Variants in PCDH15 observed in about 807,000 individuals in gnomAD.
PCDH15 encodes the protein protocadherin related 15.
PCDH15 carries 129 observed loss-of-function variants against 178.5 expected under a neutral mutation model. The observed-to-expected ratio is 0.72, with a 90% CI of 0.63 to 0.84. PCDH15 has a LOEUF of 0.84. Ranked by LOEUF, PCDH15 falls within the 40% of genes least tolerant of loss-of-function variation. The pLI, the probability that PCDH15 is intolerant of heterozygous loss-of-function variation, is 0.00. For missense variants in PCDH15, 2,230 were observed against 2,099.9 expected (o/e 1.06, Z -1.21); for synonymous variants, 800 against 732.0 (o/e 1.09, Z -1.50).
At chr10:55,348,931 A>T (rs545321884) in intron 2 of PCDH15, among the ~76,000 whole-genome samples, 1 of 152,274 alleles carries the variant, frequency 6.6e-6, no homozygotes, top group South Asian at 2.1e-4. Flanking sequence ...TTTCCTTATT[A>T]ATGGCATCAT....
intron 2 of PCDH15, among the ~76,000 whole-genome samples, chr10:54,601,267 T>C (rs537477978): frequency 5.9e-5 from 9 of 152,140 alleles, no homozygotes; most frequent in African/African-American, 2.2e-4. Context: ...GAGAAATTAT[T>C]TGCAGATTAT....
At chr10:55,240,361 T>C (rs1368392762) in intron 1 of PCDH15, among the ~76,000 whole-genome samples, 3 of 152,168 alleles carry the variant, frequency 2.0e-5, no homozygotes, top group African/African-American at 7.2e-5. Flanking sequence ...TACTCAACAA[T>C]TGTGCCCTCT....
At chr10:55,486,891 T>C (rs919417539) in intron 2 of PCDH15, among the ~76,000 whole-genome samples, 5 of 151,672 alleles carry the variant, frequency 3.3e-5, no homozygotes, top group African/African-American at 1.2e-4. Flanking sequence ...AGTTTTACTA[T>C]GTATCAAGAA....
intron 2 of PCDH15, among the ~76,000 whole-genome samples, chr10:55,518,282 A>G (rs1317156367): frequency 6.6e-6 from 1 of 152,108 alleles, no homozygotes; most frequent in Non-Finnish European, 1.5e-5. Flanking sequence ...ATATTGCAAT[A>G]GTAGCTTACT....
chr10:54,124,321 C>T (rs868453032), intron 15 of PCDH15, among the ~76,000 whole-genome samples: 2 of 152,024 alleles, frequency 1.3e-5, no homozygotes, highest in South Asian at 2.1e-4. Context: ...ATGGTGGGTG[C>T]CAGGAGCTGT....
intron 13 of PCDH15, among the ~76,000 whole-genome samples, chr10:54,171,572 C>T (rs973387532): frequency 2.6e-5 from 4 of 151,982 alleles, no homozygotes; most frequent in East Asian, 1.9e-4. Context: ...TTTACACTGC[C>T]GGTTTACACT....
intron 21 of PCDH15, among the ~76,000 whole-genome samples, chr10:53,978,977 A>G (rs1057285587): frequency 6.6e-6 from 1 of 151,998 alleles, no homozygotes; most frequent in Non-Finnish European, 1.5e-5. Context: ...GAAGTTCCAA[A>G]CTTTCCCACA....
chr10:54,677,129 T>G (rs1327347151), intron 1 of PCDH15, among the ~76,000 whole-genome samples: 1 of 152,128 alleles, frequency 6.6e-6, no homozygotes, highest in Admixed American at 6.5e-5. Context: ...CCTAGCACTT[T>G]GGGAGGTCAA....
chr10:54,629,329 A>AATTCAAG (rs1427470668), intron 2 of PCDH15, among the ~76,000 whole-genome samples: 1 of 152,146 alleles, frequency 6.6e-6, no homozygotes, highest in Non-Finnish European at 1.5e-5. Context: ...AATAACCCAG[A>AATTCAAG]ATTCAAGAGA....
chr10:53,997,971 A>T (rs950439990), intron 20 of PCDH15, among the ~76,000 whole-genome samples: 3 of 152,288 alleles, frequency 2.0e-5, no homozygotes, highest in South Asian at 4.1e-4. Context: ...TTTCAAGAGG[A>T]GAAATGTATT....
chr10:53,850,925 T>C (rs1443817127), intron 28 of PCDH15, among the ~76,000 whole-genome samples: 1 of 152,130 alleles, frequency 6.6e-6, no homozygotes. Context: ...AGGTATCTAG[T>C]GGCTACCATA....
rs1472356437 is a variant in PCDH15 at position 53,803,020 on chromosome 10, A to T, written c.*3559T>A. ...AGTAGATTGCAATGAAAAAAATACC[A>T]GTCTATAACTAAAGCTTCTTATGAT... On this transcript the variant is annotated 3_prime_UTR_variant, in exon 38 of 38. Coordinates refer to ENST00000644397, the MANE Select transcript of PCDH15 (RefSeq NM_001384140.1). The T allele has an allele frequency of 2.0e-5, 3 of 152,010 alleles. No individual in the cohort carries two copies. The East Asian group carries it at 5.8e-4, about 29-fold the overall frequency. 9.4% of individuals were successfully genotyped at this position (152,010 alleles called of 1,614,324 possible).
chr10:54,136,985 G>A (rs533522289), intron 14 of PCDH15, among the ~76,000 whole-genome samples: 16 of 152,094 alleles, frequency 1.1e-4, no homozygotes, highest in Non-Finnish European at 1.6e-4. Flanking sequence ...TAACCACCAG[G>A]CTTCTTGAGG....
At chr10:55,180,328 C>G (rs183736492) in intron 1 of PCDH15, among the ~76,000 whole-genome samples, 1 of 152,092 alleles carries the variant, frequency 6.6e-6, no homozygotes, top group Non-Finnish European at 1.5e-5. Context: ...TGACTTCTTA[C>G]AATACCTAAA....
Position 54,917,641 on chromosome 10 carries a change from A to G in PCDH15, c.-79-20141T>C, listed in dbSNP as rs543787520. On this transcript the variant is annotated intron_variant, in intron 2 of 5. Coordinates refer to the PCDH15 transcript ENST00000458638. ...CTATGCTCTGTGACTTGAATACTCA[A>G]TGCAACCAAGCCTGCCTCTAAAGAA... Among the ~76,000 whole-genome samples the G allele has an allele frequency of 1.4e-4, 22 of 152,292 alleles. No individual in the cohort carries two copies. In the South Asian group the frequency reaches 4.1e-3, roughly 29 times the overall value.
intron 1 of PCDH15, among the ~76,000 whole-genome samples, chr10:55,299,158 T>C (rs1374879819): frequency 6.6e-6 from 1 of 152,160 alleles, no homozygotes; most frequent in Non-Finnish European, 1.5e-5. Flanking sequence ...ATTTTATGAT[T>C]TATTCCAGAC....
At chr10:55,337,203 A>T (rs1844419255) in intron 2 of PCDH15, among the ~76,000 whole-genome samples, 1 of 152,220 alleles carries the variant, frequency 6.6e-6, no homozygotes. Context: ...AAAATAAAAT[A>T]GGCAGAAGAG....
chr10:54,890,483 A>G (rs968951238), intron 3 of PCDH15, among the ~76,000 whole-genome samples: 2 of 152,072 alleles, frequency 1.3e-5, no homozygotes, highest in South Asian at 4.1e-4. Flanking sequence ...GGCAATTTCT[A>G]CTTAACACAT....
At chr10:54,901,124 A>T in intron 2 of PCDH15, among the ~76,000 whole-genome samples, 1 of 151,890 alleles carries the variant, frequency 6.6e-6, no homozygotes, top group East Asian at 1.9e-4. Flanking sequence ...CAGCCTGGGC[A>T]ACAAAGTAAG....
Sources: gnomAD v4.1 joint callset for allele counts (sites outside exome capture counted in the v4.1 genomes callset) on GRCh38, gnomAD v4.1.1 for gene constraint, MANE v1.5 for transcripts, NCBI Gene and HGNC (gene_info 2026-07-23, HGNC 2026-07-21) for gene names.